Variants in TMEM117 observed in about 807,000 individuals in gnomAD.
The protein encoded by TMEM117 is transmembrane protein 117.
Under a neutral mutation model 52.4 loss-of-function variants are expected in TMEM117, and 27 were observed. The ratio of observed to expected loss-of-function variants is 0.51; its 90% CI spans 0.38 to 0.71. The LOEUF is 0.71. Among genes scored for constraint, TMEM117 ranks in the 30% least tolerant of loss-of-function variants. The pLI is 0.00. For synonymous variants in TMEM117, 215 were observed against 206.3 expected, an observed-to-expected ratio of 1.04 and a Z score of -0.36; for missense variants, 556 against 630.5, an observed-to-expected ratio of 0.88 and a Z score of 1.26.
chr12:44,398,082 T>G, the TMEM117 span, among the ~76,000 whole-genome samples: 2 of 123,316 alleles, frequency 1.6e-5, no homozygotes, highest in South Asian at 2.4e-4. Flanking sequence ...TGGGTGGTTG[T>G]TTTTTTTTTT....
intron 2 of TMEM117, among the ~76,000 whole-genome samples, chr12:43,912,353 G>C (rs1319951820): frequency 6.6e-6 from 1 of 150,764 alleles, no homozygotes; most frequent in Non-Finnish European, 1.5e-5. Context: ...GTTGTGGGGT[G>C]GGGGAAGGGG....
chr12:44,308,371 C>T (rs182075355), intron 6 of TMEM117, among the ~76,000 whole-genome samples: 1 of 152,192 alleles, frequency 6.6e-6, no homozygotes, highest in Non-Finnish European at 1.5e-5. Context: ...TCAGCCCTAT[C>T]CCTCACTCTC....
chr12:43,840,475 A>G (rs1426624558), intron 1 of TMEM117, among the ~76,000 whole-genome samples: 1 of 152,204 alleles, frequency 6.6e-6, no homozygotes, highest in Non-Finnish European at 1.5e-5. Flanking sequence ...TGGCCACGTC[A>G]TCAATGCAGT....
intron 2 of TMEM117, among the ~76,000 whole-genome samples, chr12:43,920,251 C>A (rs1944669199): frequency 6.6e-6 from 1 of 152,164 alleles, no homozygotes; most frequent in South Asian, 2.1e-4. Flanking sequence ...GTTGGTCAGG[C>A]ATGGTGGCTC....
At chr12:43,919,874 C>G (rs1188550734) in intron 2 of TMEM117, among the ~76,000 whole-genome samples, 1 of 113,282 alleles carries the variant, frequency 8.8e-6, no homozygotes, top group Non-Finnish European at 1.7e-5. Context: ...TTTTCATGTT[C>G]TTTCTTTTGG....
chr12:44,141,116 G>A (rs1306456963), intron 3 of TMEM117, among the ~76,000 whole-genome samples: 1 of 152,072 alleles, frequency 6.6e-6, no homozygotes, highest in African/African-American at 2.4e-5. Flanking sequence ...TATTTAAACA[G>A]TGTTAACACT....
intron 2 of TMEM117, among the ~76,000 whole-genome samples, chr12:43,906,462 C>CAAAAA (rs3064352): frequency 1.4e-5 from 2 of 141,376 alleles, no homozygotes; most frequent in South Asian, 2.2e-4. Flanking sequence ...GACGCTGTCT[C>CAAAAA]AAAAAAAAAA....
At chr12:43,813,192 G>C in the TMEM117 span, among the ~76,000 whole-genome samples, 1 of 143,996 alleles carries the variant, frequency 6.9e-6, no homozygotes, top group Admixed American at 7.0e-5. Flanking sequence ...ATGATCCTAG[G>C]TGCTATTTCA....
intron 2 of TMEM117, among the ~76,000 whole-genome samples, chr12:43,890,313 C>A (rs571540829): frequency 6.6e-6 from 1 of 152,132 alleles, no homozygotes; most frequent in South Asian, 2.1e-4. Context: ...TGACATCGTA[C>A]TTTGGTCTGG....
At chr12:44,079,786 C>A (rs1947450145) in intron 3 of TMEM117, among the ~76,000 whole-genome samples, 1 of 151,884 alleles carries the variant, frequency 6.6e-6, no homozygotes, top group Non-Finnish European at 1.5e-5. Flanking sequence ...GAGGCCAAGG[C>A]AGGTGGATCA....
chr12:44,150,888 T>G (rs1428229245), intron 4 of TMEM117, among the ~76,000 whole-genome samples: 6 of 152,154 alleles, frequency 3.9e-5, no homozygotes, highest in Admixed American at 3.9e-4. Flanking sequence ...TGTACTATAA[T>G]GTATAGACAC....
intron 2 of TMEM117, among the ~76,000 whole-genome samples, chr12:43,860,837 G>C (rs1401630233): frequency 6.6e-6 from 1 of 152,192 alleles, no homozygotes; most frequent in Non-Finnish European, 1.5e-5. Flanking sequence ...GCTTTATTTA[G>C]TTTCTAAATT....
Position 44,388,792 on chromosome 12 carries a change from C to A in TMEM117, c.*120C>A. ...TGTTAGGTAAAAATATGAACAATGC[C>A]ACAACGGTGCTCAACATGCTTTTTC... On this transcript the variant is annotated 3_prime_UTR_variant, in exon 8 of 8. Transcript: ENST00000266534. 9.4e-7 allele frequency: 1 copy of A among 1,061,944 alleles called. No individual in the cohort carries two copies. The highest frequency in any genetic ancestry group is 1.4e-6 in the Non-Finnish European group (1 of 737,096). The allele number at this position is 1,061,944 out of a possible 1,614,324, so 65.8% of individuals were successfully genotyped here. A position where few individuals can be genotyped will look rare whatever the true frequency, so the allele number is the denominator to read the frequency against.
chr12:43,907,777 A>G (rs7969754), intron 2 of TMEM117, among the ~76,000 whole-genome samples: 102,801 of 144,910 alleles, frequency 0.71, 39,593 homozygotes, highest in East Asian at 0.86. Flanking sequence ...GAAATGAAGC[A>G]AGAAGGGAAG....
the TMEM117 span, among the ~76,000 whole-genome samples, chr12:43,820,103 TTTTTTGTTTTTGTTTTTG>T: frequency 1.3e-5 from 2 of 151,470 alleles, no homozygotes; most frequent in Non-Finnish European, 2.9e-5. Flanking sequence ...AGGTGTATTT[TTTTTTGTTTTTGTTTTTG>T]TTTTTGTTTT....
intron 3 of TMEM117, among the ~76,000 whole-genome samples, chr12:44,139,446 G>T (rs959071680): frequency 1.3e-5 from 2 of 151,588 alleles, no homozygotes; most frequent in East Asian, 1.9e-4. Context: ...TTGTCAAGAT[G>T]TTATGATAAT....
rs553239034 is a variant in TMEM117, at chr12:43,883,771, A to C, written c.277+38843A>C. Reference sequence around the variant, plus strand: ...TCTTTGTATGAAAGACAAAAAAAAAAACAAAAAACAAAAAAAAACCCCAAA... The same window carrying C: ...TCTTTGTATGAAAGACAAAAAAAAACACAAAAAACAAAAAAAAACCCCAAA... On this transcript the variant is annotated intron_variant, in intron 2 of 7. Transcript: ENST00000266534. Among the ~76,000 whole-genome samples the C allele has an allele frequency of 2.4e-4, 36 of 151,226 alleles. 1 individual carries two copies. The East Asian group carries it at 4.5e-3, about 19-fold the overall frequency.
At chr12:44,162,044 T>C (rs906945559) in intron 4 of TMEM117, among the ~76,000 whole-genome samples, 18 of 152,172 alleles carry the variant, frequency 1.2e-4, no homozygotes, top group African/African-American at 4.3e-4. Context: ...AATATGCCTG[T>C]TATTTGAAAC....
intron 3 of TMEM117, among the ~76,000 whole-genome samples, chr12:44,099,016 G>T (rs1349460177): frequency 1.3e-5 from 2 of 152,018 alleles, no homozygotes; most frequent in Non-Finnish European, 1.5e-5. Context: ...GCAGTCTCAT[G>T]ATGTGTTAAT....
Sources: gnomAD v4.1 joint callset for allele counts (sites outside exome capture counted in the v4.1 genomes callset) on GRCh38, gnomAD v4.1.1 for gene constraint, MANE v1.5 for transcripts, NCBI Gene and HGNC (gene_info 2026-07-23, HGNC 2026-07-21) for gene names.